The following RAB28 variants were observed in gnomAD, a reference collection of about 807,000 sequenced individuals.
The protein encoded by RAB28 is RAB28, member RAS oncogene family.
In RAB28, 24 loss-of-function variants were observed where a neutral mutation model predicts 31.7. The ratio of observed to expected loss-of-function variants is 0.76; its 90% CI spans 0.55 to 1.06. RAB28 has a LOEUF of 1.06. Among genes scored for constraint, RAB28 ranks in the 50% least tolerant of loss-of-function variants. RAB28 has a pLI of 0.00. For missense variants in RAB28, 254 were observed against 258.5 expected, an observed-to-expected ratio of 0.98 and a Z score of 0.12; for synonymous variants, 100 against 90.4, an observed-to-expected ratio of 1.11 and a Z score of -0.60.
At position 13,375,316 on chromosome 4, in the gene RAB28, C is replaced by T. The variant is rs189293731; in HGVS notation, c.573+1229G>A. On this transcript the variant is annotated intron_variant, in intron 6 of 6. Coordinates refer to ENST00000330852, the MANE Select transcript of RAB28 (RefSeq NM_001017979.3). ...GCACATAACCTATTAATTTTCTTTACTAAAAGCAGGGACATTTTAAAGTCT... is the reference window on the plus strand; with the variant it reads ...GCACATAACCTATTAATTTTCTTTATTAAAAGCAGGGACATTTTAAAGTCT... Among the ~76,000 whole-genome samples, 140 of 152,290 alleles carry T rather than the reference C, an allele frequency of 9.2e-4. 1 individual carries two copies. In the South Asian group the frequency reaches 0.017, roughly 18 times the overall value.
At chr4:13,423,520 A>G (rs570948137) in intron 4 of RAB28, among the ~76,000 whole-genome samples, 164 of 152,288 alleles carry the variant, frequency 1.1e-3, no homozygotes, top group African/African-American at 3.8e-3. Context: ...AGTCAAAACA[A>G]TAATTCATGA....
chr4:13,383,687 C>T (rs142561406), intron 4 of RAB28, among the ~76,000 whole-genome samples: 1,627 of 152,214 alleles, frequency 0.011, 27 homozygotes, highest in African/African-American at 0.035. Flanking sequence ...ATCATGGAGA[C>T]GGCTTTTCCT....
At chr4:13,450,623 G>A (rs1714918267) in intron 4 of RAB28, among the ~76,000 whole-genome samples, 2 of 151,892 alleles carry the variant, frequency 1.3e-5, no homozygotes, top group Admixed American at 6.6e-5. Context: ...TTAGATTTTA[G>A]TGGGGAAATA....
chr4:13,455,997 G>A (rs1198546885), intron 4 of RAB28, among the ~76,000 whole-genome samples: 1 of 152,176 alleles, frequency 6.6e-6, no homozygotes, highest in Non-Finnish European at 1.5e-5. Context: ...TCAACAACCA[G>A]ACACAGCAAA....
intron 4 of RAB28, among the ~76,000 whole-genome samples, chr4:13,425,097 T>G (rs562928106): frequency 6.6e-6 from 1 of 152,318 alleles, no homozygotes; most frequent in African/African-American, 2.4e-5. Context: ...ATTATTGATT[T>G]TCTTTTACTT....
At chr4:13,413,552 A>G (rs955530865) in intron 4 of RAB28, among the ~76,000 whole-genome samples, 1 of 152,196 alleles carries the variant, frequency 6.6e-6, no homozygotes, top group African/African-American at 2.4e-5. Flanking sequence ...AAAAAAGCAT[A>G]AAGTTTTAAG....
At chr4:13,465,475 AAGAAG>A (rs748443166) in intron 3 of RAB28, among the ~76,000 whole-genome samples, 1 of 151,860 alleles carries the variant, frequency 6.6e-6, no homozygotes, top group Non-Finnish European at 1.5e-5. Flanking sequence ...CCATGCAAAT[AAGAAG>A]AGAACAAAGT....
intron 5 of RAB28, among the ~76,000 whole-genome samples, chr4:13,378,883 T>C (rs1367155855): frequency 6.6e-6 from 1 of 152,046 alleles, no homozygotes; most frequent in Admixed American, 6.6e-5. Flanking sequence ...TAGAGGAGGA[T>C]AGTTTGAACA....
intron 4 of RAB28, among the ~76,000 whole-genome samples, chr4:13,435,017 CAAAAAAA>C (rs991889676): frequency 4.3e-5 from 2 of 47,046 alleles, no homozygotes; most frequent in Admixed American, 2.3e-4. Flanking sequence ...GACTCCGTCT[CAAAAAAA>C]AAAAAAAAAA....
intron 5 of RAB28, among the ~76,000 whole-genome samples, chr4:13,376,847 A>G (rs1369105781): frequency 6.6e-6 from 1 of 152,160 alleles, no homozygotes; most frequent in African/African-American, 2.4e-5. Context: ...CAATGAATTG[A>G]TCATTTTCTC....
At chr4:13,393,456 G>A (rs1476939355) in intron 4 of RAB28, among the ~76,000 whole-genome samples, 1 of 152,136 alleles carries the variant, frequency 6.6e-6, no homozygotes, top group African/African-American at 2.4e-5. Context: ...ACATATTCCA[G>A]CTTACCCAAG....
rs1450385225 is a variant in RAB28 at position 13,411,545 on chromosome 4, T to A, written c.392-29951A>T. On this transcript the variant is annotated intron_variant, in intron 4 of 6. Coordinates refer to ENST00000330852, the MANE Select transcript of RAB28 (RefSeq NM_001017979.3). Reference sequence around the variant, plus strand: ...ATCAAAAGTACAAGCATACTTGTGTTATTTTGGCTGAAGGCCATAGACACT... The same window carrying A: ...ATCAAAAGTACAAGCATACTTGTGTAATTTTGGCTGAAGGCCATAGACACT... 2.6e-5 allele frequency among the ~76,000 whole-genome samples: 4 copies of A among 152,196 alleles called. No individual in the cohort carries two copies. The East Asian group carries it at 7.7e-4, about 29-fold the overall frequency.
chr4:13,457,555 T>A (rs1032059071), intron 4 of RAB28, among the ~76,000 whole-genome samples: 1 of 151,578 alleles, frequency 6.6e-6, no homozygotes, highest in African/African-American at 2.4e-5. Context: ...ACTGAAAGAG[T>A]GTATTATAAA....
At chr4:13,374,827 C>A (rs1728857638) in intron 6 of RAB28, among the ~76,000 whole-genome samples, 1 of 152,052 alleles carries the variant, frequency 6.6e-6, no homozygotes. Flanking sequence ...TTAATTCTAC[C>A]TAAAAACTGC....
rs138662713 is a variant in RAB28, at chr4:13,450,321, T to C, written c.391+10378A>G. On this transcript the variant is annotated intron_variant, in intron 4 of 6. Coordinates refer to ENST00000330852, the MANE Select transcript of RAB28 (RefSeq NM_001017979.3). ...ATTATAACATAAAATCCATGAAATTTTATTTCAAACATGATCTAGTATAAA... is the reference window on the plus strand; with the variant it reads ...ATTATAACATAAAATCCATGAAATTCTATTTCAAACATGATCTAGTATAAA... Among the ~76,000 whole-genome samples the C allele has an allele frequency of 4.6e-3, 698 of 151,982 alleles. 6 individuals carry two copies. Among genetic ancestry groups the C allele is most frequent in the African/African-American group, 0.016 (665 of 41,540 alleles).
chr4:13,440,303 C>T (rs987875305), intron 4 of RAB28, among the ~76,000 whole-genome samples: 1 of 152,092 alleles, frequency 6.6e-6, no homozygotes, highest in African/African-American at 2.4e-5. Flanking sequence ...AATCAACTCA[C>T]TTTCACTCTT....
At chr4:13,416,857 G>A (rs1712813318) in intron 4 of RAB28, among the ~76,000 whole-genome samples, 1 of 152,170 alleles carries the variant, frequency 6.6e-6, no homozygotes, top group Non-Finnish European at 1.5e-5. Context: ...TTCCAAAAGA[G>A]GTACATGGTT....
At chr4:13,396,808 A>T (rs1475130288) in intron 4 of RAB28, among the ~76,000 whole-genome samples, 1 of 152,070 alleles carries the variant, frequency 6.6e-6, no homozygotes, top group Non-Finnish European at 1.5e-5. Context: ...TATATTAAGG[A>T]TATCTGCCAT....
chr4:13,464,784 T>G (rs1715764268), intron 3 of RAB28, among the ~76,000 whole-genome samples: 2 of 152,024 alleles, frequency 1.3e-5, no homozygotes, highest in Non-Finnish European at 1.5e-5. Flanking sequence ...AATACAAAAT[T>G]ACAAGGAATT....
Sources: allele counts gnomAD v4.1 joint callset (sites outside exome capture counted in the v4.1 genomes callset), GRCh38; gene constraint gnomAD v4.1.1; transcripts MANE v1.5; gene names NCBI Gene and HGNC (gene_info 2026-07-23, HGNC 2026-07-21).